BLTP3A: variants seen among roughly 807,000 people sequenced by gnomAD.
The protein encoded by BLTP3A is bridge-like lipid transfer protein family member 3A, also known as ICBP90 binding protein 1.
chr6:34,835,334 T>G, the BLTP3A span: 1 of 1,614,048 alleles, frequency 6.2e-7, no homozygotes, highest in Non-Finnish European at 8.5e-7. Flanking sequence ...CTGATGTTCC[T>G]GTTGGATGAC....
At chr6:34,824,805 G>T in the BLTP3A span, among the ~76,000 whole-genome samples, 1 of 151,666 alleles carries the variant, frequency 6.6e-6, no homozygotes. Flanking sequence ...TGAGTAGCTG[G>T]AATTACAGGT....
the BLTP3A span, among the ~76,000 whole-genome samples, chr6:34,866,394 A>G: frequency 2.0e-5 from 3 of 151,670 alleles, no homozygotes; most frequent in African/African-American, 7.3e-5. Context: ...GAGCGAGACT[A>G]TTCCATCTCA....
the BLTP3A span, among the ~76,000 whole-genome samples, chr6:34,837,856 A>C: frequency 6.6e-6 from 1 of 152,206 alleles, no homozygotes; most frequent in Admixed American, 6.5e-5. Context: ...ATTTCTTCCA[A>C]GTGTTACTTA....
chr6:34,834,181 A>G, the BLTP3A span: 19 of 1,601,528 alleles, frequency 1.2e-5, no homozygotes, highest in Admixed American at 6.7e-5. Flanking sequence ...AAAGTCTCCC[A>G]TAATTCTGAT....
the BLTP3A span, chr6:34,857,500 C>G: frequency 6.2e-7 from 1 of 1,600,918 alleles, no homozygotes; most frequent in Admixed American, 1.8e-5. Flanking sequence ...ATTTTTCTGT[C>G]TAGCTCATGC....
chr6:34,823,302 C>T, the BLTP3A span: 24 of 1,614,012 alleles, frequency 1.5e-5, no homozygotes, highest in African/African-American at 2.7e-5. Flanking sequence ...TGAGGATCCT[C>T]GGCCCCCCAA....
chr6:34,857,451 A>T, the BLTP3A span: 2 of 1,613,926 alleles, frequency 1.2e-6, no homozygotes. Context: ...ATTACTTCCC[A>T]GATAATCAGG....
At chr6:34,806,250 T>C in the BLTP3A span, among the ~76,000 whole-genome samples, 2 of 152,232 alleles carry the variant, frequency 1.3e-5, no homozygotes, top group African/African-American at 4.8e-5. Context: ...TCCCAGTTCT[T>C]GCTCTTAAGG....
the BLTP3A span, among the ~76,000 whole-genome samples, chr6:34,801,142 T>C: frequency 6.6e-6 from 1 of 152,240 alleles, no homozygotes. Context: ...ATTGGTTGTA[T>C]GTAGCTTGGA....
the BLTP3A span, among the ~76,000 whole-genome samples, chr6:34,863,319 C>A: frequency 6.6e-6 from 1 of 152,132 alleles, no homozygotes; most frequent in Non-Finnish European, 1.5e-5. Context: ...TGTGTTAATG[C>A]CTTTTTAACT....
chr6:34,856,844 G>A, the BLTP3A span: 3 of 1,614,074 alleles, frequency 1.9e-6, no homozygotes, highest in South Asian at 3.3e-5. Flanking sequence ...TCTCAGGGCA[G>A]ACAGCCTGCC....
the BLTP3A span, chr6:34,874,843 A>G: frequency 6.6e-6 from 1 of 152,260 alleles, no homozygotes; most frequent in Non-Finnish European, 1.5e-5. Flanking sequence ...CTGTGTTTCT[A>G]GTGACCTTAT....
the BLTP3A span, among the ~76,000 whole-genome samples, chr6:34,830,418 C>T: frequency 6.6e-6 from 1 of 151,934 alleles, no homozygotes; most frequent in African/African-American, 2.4e-5. Context: ...GAAACCCCAT[C>T]TCTACTAAAA....
the BLTP3A span, among the ~76,000 whole-genome samples, chr6:34,812,119 A>G: frequency 1.1e-4 from 17 of 152,184 alleles, no homozygotes; most frequent in African/African-American, 3.1e-4. Flanking sequence ...ACCTGAGGTC[A>G]GGAGTTCAAG....
At chr6:34,850,565 C>T in the BLTP3A span, among the ~76,000 whole-genome samples, 1 of 151,918 alleles carries the variant, frequency 6.6e-6, no homozygotes, top group Non-Finnish European at 1.5e-5. Flanking sequence ...TTTCTTGTAT[C>T]TCCCCTGATT....
the BLTP3A span, among the ~76,000 whole-genome samples, chr6:34,832,381 A>T: frequency 8.6e-5 from 13 of 151,918 alleles, no homozygotes; most frequent in Admixed American, 6.6e-4. Flanking sequence ...TTAGCCTCCC[A>T]AAGTGTTAGG....
the BLTP3A span, among the ~76,000 whole-genome samples, chr6:34,814,600 AT>A: frequency 2.6e-5 from 4 of 152,162 alleles, no homozygotes; most frequent in African/African-American, 7.2e-5. Flanking sequence ...GCTTTTGGTG[AT>A]TACTTGCTTG....
the BLTP3A span, among the ~76,000 whole-genome samples, chr6:34,847,926 T>C: frequency 2.3e-5 from 3 of 133,152 alleles, no homozygotes; most frequent in African/African-American, 6.0e-5. Context: ...TTTTCCTTTT[T>C]TTTTTTTTTT....
At chr6:34,851,686 A>G in the BLTP3A span, among the ~76,000 whole-genome samples, 1 of 152,132 alleles carries the variant, frequency 6.6e-6, no homozygotes, top group Non-Finnish European at 1.5e-5. Flanking sequence ...CTAGCCAGGC[A>G]TGTGTGCTTC....
Sources: gnomAD v4.1 joint callset for allele counts (sites outside exome capture counted in the v4.1 genomes callset) on GRCh38, gnomAD v4.1.1 for gene constraint, MANE v1.5 for transcripts, NCBI Gene and HGNC (gene_info 2026-07-23, HGNC 2026-07-21) for gene names.